Variants in LUZP2 observed in about 807,000 individuals in gnomAD.
LUZP2 encodes leucine zipper protein 2.
In LUZP2, 52 loss-of-function variants were observed where a neutral mutation model predicts 51.6. The ratio of observed to expected loss-of-function variants is 1.01; its 90% CI spans 0.81 to 1.27. LUZP2 has a LOEUF of 1.27. Ranked by LOEUF, LUZP2 falls within the 50% of genes most tolerant of loss-of-function variation. LUZP2 has a pLI of 0.00. For missense variants in LUZP2, 436 were observed against 395.4 expected, an observed-to-expected ratio of 1.10 and a Z score of -0.87; for synonymous variants, 154 against 137.3, an observed-to-expected ratio of 1.12 and a Z score of -0.85.
chr11:24,664,541 C>G (rs568437688), intron 1 of LUZP2, among the ~76,000 whole-genome samples: 1 of 152,070 alleles, frequency 6.6e-6, no homozygotes, highest in Admixed American at 6.6e-5. Context: ...CCCTCCTCCC[C>G]CACTCCATCA....
intron 1 of LUZP2, among the ~76,000 whole-genome samples, chr11:24,713,662 TGGATA>T (rs914880543): frequency 6.9e-6 from 1 of 144,578 alleles, no homozygotes; most frequent in African/African-American, 2.5e-5. Flanking sequence ...CACTCTATCC[TGGATA>T]ACAGAGTGAG....
intron 1 of LUZP2, among the ~76,000 whole-genome samples, chr11:24,613,196 C>CAGATACTTGGTAAAGGGGTGAATT (rs1854176662): frequency 6.6e-6 from 1 of 152,028 alleles, no homozygotes; most frequent in Non-Finnish European, 1.5e-5. Context: ...AATGAAATTT[C>CAGATACTTGGTAAAGGGGTGAATT]AGATACTTGG....
At chr11:24,564,281 G>A (rs1404575060) in intron 1 of LUZP2, among the ~76,000 whole-genome samples, 1 of 152,076 alleles carries the variant, frequency 6.6e-6, no homozygotes, top group Admixed American at 6.6e-5. Context: ...CTCTTTTAAA[G>A]AGTGAAACCA....
chr11:24,532,152 TAC>T, intron 1 of LUZP2, among the ~76,000 whole-genome samples: 1 of 150,946 alleles, frequency 6.6e-6, no homozygotes, highest in Admixed American at 6.6e-5. Flanking sequence ...ATTATTTGTG[TAC>T]CACCCCTTCT....
chr11:24,619,005 A>ATTAT lies in LUZP2; in HGVS notation c.63-110125_63-110122dup, dbSNP rs66554611. On this transcript the variant is annotated intron_variant, in intron 1 of 11. Transcript: ENST00000336930. ...ATTTTTGTAATTCTAACCACTTAGCATTATTTATTTATTTATTTATTTATT... is the reference window on the plus strand; with the variant it reads ...ATTTTTGTAATTCTAACCACTTAGCATTATTTATTTATTTATTTATTTATTTATT... Among the ~76,000 whole-genome samples the ATTAT allele has an allele frequency of 8.0e-3, 1,147 of 144,020 alleles. 6 individuals carry two copies. The highest frequency in any genetic ancestry group is 0.011 in the East Asian group (50 of 4,718). 94.5% of individuals were successfully genotyped at this position (144,020 alleles called of 152,430 possible).
chr11:25,018,690 C>A (rs1164743333), intron 9 of LUZP2, among the ~76,000 whole-genome samples: 1 of 146,326 alleles, frequency 6.8e-6, no homozygotes, highest in Admixed American at 7.0e-5. Flanking sequence ...TCACTGTAAT[C>A]TCTAGCTCCT....
At chr11:24,695,563 A>T (rs1565082237) in intron 1 of LUZP2, among the ~76,000 whole-genome samples, 1 of 152,024 alleles carries the variant, frequency 6.6e-6, no homozygotes, top group East Asian at 1.9e-4. Flanking sequence ...ACGAGAACTT[A>T]TCTGTCTATC....
intron 1 of LUZP2, among the ~76,000 whole-genome samples, chr11:24,504,562 T>A (rs1369728906): frequency 6.6e-6 from 1 of 152,158 alleles, no homozygotes; most frequent in Non-Finnish European, 1.5e-5. Context: ...AAATAAAATG[T>A]ATTTAAGTGT....
intron 9 of LUZP2, among the ~76,000 whole-genome samples, chr11:25,041,114 A>G (rs1478247760): frequency 2.6e-5 from 4 of 151,862 alleles, no homozygotes; most frequent in Non-Finnish European, 4.4e-5. Flanking sequence ...CATTTTTTTC[A>G]TGGTTTCAAG....
chr11:24,753,784 G>A (rs1305417171), intron 4 of LUZP2, among the ~76,000 whole-genome samples: 1 of 152,144 alleles, frequency 6.6e-6, no homozygotes, highest in Non-Finnish European at 1.5e-5. Flanking sequence ...CAGAGATTAA[G>A]CCAAGGGACC....
In LUZP2 at chr11:24,908,837, G is replaced by A. The variant is rs549219486; in HGVS notation, c.459+2784G>A. On this transcript the variant is annotated intron_variant, in intron 6 of 11. Coordinates refer to ENST00000336930, the MANE Select transcript of LUZP2 (RefSeq NM_001009909.4). ...GTGGCACGATCTAGGCTCACTGCAA[G>A]CTCCACCTCCCAGGTTCATGCCATT... Among the ~76,000 whole-genome samples the A allele has an allele frequency of 1.9e-3, 284 of 150,044 alleles. 3 individuals carry two copies. Among genetic ancestry groups the A allele is most frequent in the Non-Finnish European group, 1.6e-3 (109 of 67,582 alleles).
chr11:24,819,505 A>T (rs555887341), intron 5 of LUZP2, among the ~76,000 whole-genome samples: 2 of 152,214 alleles, frequency 1.3e-5, no homozygotes, highest in East Asian at 3.9e-4. Context: ...ATATGCCCAG[A>T]AATCTCTATA....
At chr11:24,622,039 C>T (rs1271976323) in intron 1 of LUZP2, among the ~76,000 whole-genome samples, 1 of 151,990 alleles carries the variant, frequency 6.6e-6, no homozygotes, top group African/African-American at 2.4e-5. Context: ...TTCCTGGGCT[C>T]AAGCTATCCT....
intron 2 of LUZP2, among the ~76,000 whole-genome samples, chr11:24,730,386 T>G (rs906241285): frequency 7.2e-6 from 1 of 138,852 alleles, no homozygotes; most frequent in Non-Finnish European, 1.5e-5. Flanking sequence ...GTGTTACATA[T>G]GGAGAAGATG....
chr11:24,724,452 G>A (rs1459826583), intron 1 of LUZP2, among the ~76,000 whole-genome samples: 3 of 152,020 alleles, frequency 2.0e-5, no homozygotes, highest in Non-Finnish European at 2.9e-5. Context: ...TGTGTCTATC[G>A]TCCCAGCTAA....
intron 1 of LUZP2, among the ~76,000 whole-genome samples, chr11:24,558,736 A>T (rs1301187300): frequency 1.3e-5 from 2 of 152,122 alleles, no homozygotes; most frequent in Admixed American, 1.3e-4. Context: ...TAGTTGAGGA[A>T]GCAGCTTTGT....
At chr11:25,026,422 T>C (rs1019257356) in intron 9 of LUZP2, among the ~76,000 whole-genome samples, 3 of 152,188 alleles carry the variant, frequency 2.0e-5, no homozygotes, top group Non-Finnish European at 4.4e-5. Context: ...TAGAGATAAA[T>C]TATTAGATTG....
At chr11:24,958,204 A>C (rs1485011933) in intron 7 of LUZP2, among the ~76,000 whole-genome samples, 7 of 152,198 alleles carry the variant, frequency 4.6e-5, no homozygotes, top group African/African-American at 1.7e-4. Flanking sequence ...ATAGTGCCAC[A>C]ATAAACATAT....
intron 9 of LUZP2, among the ~76,000 whole-genome samples, chr11:24,993,743 C>T (rs894830650): frequency 1.3e-5 from 2 of 151,886 alleles, no homozygotes; most frequent in Non-Finnish European, 2.9e-5. Context: ...TGTCTTTGTG[C>T]AAATATTTTC....
Sources: gnomAD v4.1 joint callset for allele counts (sites outside exome capture counted in the v4.1 genomes callset) on GRCh38, gnomAD v4.1.1 for gene constraint, MANE v1.5 for transcripts, NCBI Gene and HGNC (gene_info 2026-07-23, HGNC 2026-07-21) for gene names.